Variants in TP53BP2 observed in about 807,000 individuals in gnomAD.
The protein encoded by TP53BP2 is apoptosis-stimulating of p53 protein 2.
In TP53BP2, 62 loss-of-function variants were observed where a neutral mutation model predicts 126.2. The ratio of observed to expected loss-of-function variants is 0.49; its 90% CI spans 0.40 to 0.61. TP53BP2 has a LOEUF of 0.61. Ranked by LOEUF, TP53BP2 falls within the 20% of genes least tolerant of loss-of-function variation. The pLI is 0.00. For synonymous variants in TP53BP2, 485 were observed against 502.9 expected (o/e 0.96, Z 0.48); for missense variants, 1,215 against 1,402.8 (o/e 0.87, Z 2.14).
intron 5 of TP53BP2, among the ~76,000 whole-genome samples, chr1:223,805,268 A>AAC (rs397803213): frequency 6.6e-5 from 10 of 151,880 alleles, no homozygotes; most frequent in African/African-American, 2.4e-4. Context: ...AGAAAAAAAA[A>AAC]CCCACAAGGA....
intron 9 of TP53BP2, 102 bp from the exon 10 acceptor site, chr1:223,800,912 C>A: frequency 1.3e-6 from 1 of 741,428 alleles, no homozygotes; most frequent in Non-Finnish European, 2.2e-6. Context: ...GCTTTAAATT[C>A]CAGACTCACA....
intron 3 of TP53BP2, 139 bp from the exon 4 acceptor site, chr1:223,810,652 C>A (rs546349928): frequency 3.1e-6 from 2 of 653,986 alleles, no homozygotes; most frequent in South Asian, 4.6e-5. Context: ...TTTCTAATAG[C>A]AATGGACTTA....
chr1:223,807,698 T>C (rs1389450731), intron 4 of TP53BP2, among the ~76,000 whole-genome samples: 1 of 152,034 alleles, frequency 6.6e-6, no homozygotes, highest in African/African-American at 2.4e-5. Flanking sequence ...TAAATTTAAA[T>C]ACCATTTATA....
At chr1:223,836,669 G>T (rs182220330) in intron 1 of TP53BP2, among the ~76,000 whole-genome samples, 2 of 152,304 alleles carry the variant, frequency 1.3e-5, no homozygotes, top group East Asian at 3.9e-4. Context: ...TAAATGGCCT[G>T]ATGGGGCAGA....
intron 13 of TP53BP2, among the ~76,000 whole-genome samples, chr1:223,795,377 T>C (rs1013518795): frequency 2.0e-5 from 3 of 152,364 alleles, no homozygotes; most frequent in African/African-American, 7.2e-5. Flanking sequence ...AGGTTTCACC[T>C]AACATTTCAT....
At chr1:223,832,608 T>C (rs1220897788) in intron 1 of TP53BP2, among the ~76,000 whole-genome samples, 4 of 152,164 alleles carry the variant, frequency 2.6e-5, no homozygotes, top group Non-Finnish European at 5.9e-5. Context: ...ATAACCAAAG[T>C]TTCTTTCAAA....
intron 1 of TP53BP2, among the ~76,000 whole-genome samples, chr1:223,827,690 G>A (rs1246715147): frequency 6.6e-6 from 1 of 152,114 alleles, no homozygotes; most frequent in Non-Finnish European, 1.5e-5. Context: ...GGAAAATGGT[G>A]TTGACAGGAA....
At chr1:223,811,747 A>G (rs1243278895) in intron 3 of TP53BP2, among the ~76,000 whole-genome samples, 2 of 152,224 alleles carry the variant, frequency 1.3e-5, no homozygotes, top group Admixed American at 6.5e-5. Flanking sequence ...AGAGGTCTAG[A>G]CCAAAAACAG....
chr1:223,781,028 G>T, intron 17 of TP53BP2, 134 bp from the exon 18 acceptor site: 1 of 809,682 alleles, frequency 1.2e-6, no homozygotes, highest in Non-Finnish European at 2.0e-6. Context: ...TCTTTGTGGT[G>T]TGTGTGGCAC....
intron 11 of TP53BP2, among the ~76,000 whole-genome samples, chr1:223,799,380 C>T (rs1309208345): frequency 6.6e-6 from 1 of 152,182 alleles, no homozygotes; most frequent in Admixed American, 6.5e-5. Context: ...CCTATCTGGG[C>T]AATTTTAATA....
chr1:223,830,836 C>T (rs188069368), intron 1 of TP53BP2, among the ~76,000 whole-genome samples: 20 of 152,298 alleles, frequency 1.3e-4, no homozygotes, highest in Admixed American at 3.3e-4. Context: ...CAGTGGCTCA[C>T]GCCTGTAATC....
At chr1:223,787,044 C>T (rs542790296) in intron 16 of TP53BP2, among the ~76,000 whole-genome samples, 6 of 151,996 alleles carry the variant, frequency 3.9e-5, no homozygotes, top group South Asian at 2.1e-4. Flanking sequence ...TACAGGTGCC[C>T]GCCACCACAG....
At chr1:223,824,442 C>T (rs796602364) in intron 1 of TP53BP2, among the ~76,000 whole-genome samples, 24 of 152,286 alleles carry the variant, frequency 1.6e-4, no homozygotes, top group African/African-American at 4.8e-4. Context: ...CTGCAGTCCG[C>T]GATGCTGGGC....
At chr1:223,838,808 C>G (rs1664008592) in intron 1 of TP53BP2, among the ~76,000 whole-genome samples, 1 of 152,186 alleles carries the variant, frequency 6.6e-6, no homozygotes, top group African/African-American at 2.4e-5. Flanking sequence ...AATTATCACA[C>G]CCCTTCTCTT....
At chr1:223,841,689 A>T (rs1664106621) in intron 1 of TP53BP2, among the ~76,000 whole-genome samples, 1 of 152,160 alleles carries the variant, frequency 6.6e-6, no homozygotes, top group Non-Finnish European at 1.5e-5. Flanking sequence ...AAATATACAA[A>T]TCCTACTGAT....
chr1:223,835,102 G>A (rs1168908378), intron 1 of TP53BP2, among the ~76,000 whole-genome samples: 2 of 152,208 alleles, frequency 1.3e-5, no homozygotes, highest in African/African-American at 4.8e-5. Flanking sequence ...CCACGAAGAG[G>A]AGAAAGTTAA....
At position 223,802,171 on chromosome 1, in the gene TP53BP2, C is replaced by G. The variant is rs142207720; in HGVS notation, c.1170G>C (p.Pro390=). The G allele has an allele frequency of 2.5e-6, 4 of 1,614,032 alleles. No homozygotes were observed. Among genetic ancestry groups the G allele is most frequent in the Non-Finnish European group, 3.4e-6 (4 of 1,180,032 alleles). ...TGTTGGGCAGTGTCTGTATTTTCAT[C>G]GGCCCCTCTGAAGCCTGAATGACCA... ...GSLVIQASEG[P]MKIQTLPNMR... The change falls in exon 9 of 18, where the codon CCG becomes CCC. Residue 390 remains proline, a synonymous_variant. Transcript: ENST00000343537.
intron 1 of TP53BP2, among the ~76,000 whole-genome samples, chr1:223,827,317 C>CA (rs922361536): frequency 1.3e-5 from 2 of 151,816 alleles, no homozygotes; most frequent in African/African-American, 4.8e-5. Flanking sequence ...AAAGAGCCAC[C>CA]AAAAAAAGGA....
At chr1:223,817,559 A>G (rs1434099811) in intron 2 of TP53BP2, among the ~76,000 whole-genome samples, 3 of 152,216 alleles carry the variant, frequency 2.0e-5, no homozygotes, top group African/African-American at 4.8e-5. Context: ...TTAAAACAAG[A>G]TAATTTATTT....
Sources: gnomAD v4.1 joint callset for allele counts (sites outside exome capture counted in the v4.1 genomes callset) on GRCh38, gnomAD v4.1.1 for gene constraint, MANE v1.5 for transcripts, NCBI Gene and HGNC (gene_info 2026-07-23, HGNC 2026-07-21) for gene names.